The following PPFIA2 variants were observed in gnomAD, a reference collection of about 807,000 sequenced individuals.
PPFIA2 encodes the protein PPFI scaffold protein A2.
PPFIA2 carries 46 observed loss-of-function variants against 175.5 expected under a neutral mutation model. The observed-to-expected ratio is 0.26, with a 90% confidence interval of 0.21 to 0.34. PPFIA2 has a LOEUF of 0.34. Ranked by LOEUF, PPFIA2 falls within the 10% of genes least tolerant of loss-of-function variation. The probability of loss-of-function intolerance (pLI) is 1.00; values close to 1 mark genes in which losing one functional copy is unlikely to be tolerated. For missense variants in PPFIA2, 1,179 were observed against 1,506.1 expected (o/e 0.78, Z 3.60); for synonymous variants, 568 against 511.4 (o/e 1.11, Z -1.49).
chr12:81,735,089 C>A (rs938636476), intron 3 of PPFIA2, among the ~76,000 whole-genome samples: 2 of 151,710 alleles, frequency 1.3e-5, no homozygotes, highest in African/African-American at 4.8e-5. Flanking sequence ...ATGAATAATG[C>A]TGCTATGAAC....
intron 9 of PPFIA2, among the ~76,000 whole-genome samples, chr12:81,382,191 A>C (rs2037874115): frequency 6.6e-6 from 1 of 152,142 alleles, no homozygotes; most frequent in South Asian, 2.1e-4. Flanking sequence ...GAGAAAAGAA[A>C]ATGTAACAAA....
chr12:81,732,513 T>TAAAA (rs60761301), intron 3 of PPFIA2, among the ~76,000 whole-genome samples: 1 of 133,990 alleles, frequency 7.5e-6, no homozygotes, highest in Non-Finnish European at 1.6e-5. Context: ...TGTTTTTTTT[T>TAAAA]AAAAAAAAAA....
intron 28 of PPFIA2, among the ~76,000 whole-genome samples, chr12:81,269,336 A>G (rs2038380420): frequency 6.6e-6 from 1 of 152,218 alleles, no homozygotes; most frequent in South Asian, 2.1e-4. Flanking sequence ...TATTAAAGTA[A>G]AAGTAAGTTT....
chr12:81,517,722 G>A (rs1649256602), intron 4 of PPFIA2, among the ~76,000 whole-genome samples: 3 of 152,238 alleles, frequency 2.0e-5, no homozygotes, highest in South Asian at 2.1e-4. Flanking sequence ...TGAGCACCAA[G>A]CCACTATACT....
intron 22 of PPFIA2, among the ~76,000 whole-genome samples, chr12:81,303,307 T>G (rs936320865): frequency 7.2e-5 from 11 of 152,192 alleles, no homozygotes; most frequent in Admixed American, 7.2e-4. Flanking sequence ...ATCAAATATT[T>G]GACCATCTTT....
chr12:81,457,617 C>T, intron 5 of PPFIA2, 148 bp downstream of exon 5: 1 of 479,004 alleles, frequency 2.1e-6, no homozygotes, highest in Non-Finnish European at 3.6e-6. Flanking sequence ...TATAGTATAT[C>T]CTCCTTTACT....
chr12:81,596,821 A>G (rs2059299201), intron 4 of PPFIA2, among the ~76,000 whole-genome samples: 1 of 152,162 alleles, frequency 6.6e-6, no homozygotes, highest in African/African-American at 2.4e-5. Context: ...GGAAGAGAAT[A>G]TATTTTGTAA....
intron 4 of PPFIA2, among the ~76,000 whole-genome samples, chr12:81,462,823 T>C (rs2054890580): frequency 6.6e-6 from 1 of 151,780 alleles, no homozygotes; most frequent in Non-Finnish European, 1.5e-5. Flanking sequence ...CATATGCACC[T>C]GAGAGAAAAT....
chr12:81,287,473 T>C (rs1322017331), intron 24 of PPFIA2, among the ~76,000 whole-genome samples: 1 of 151,928 alleles, frequency 6.6e-6, no homozygotes, highest in Non-Finnish European at 1.5e-5. Context: ...TTCTGAAGTA[T>C]GACTGGCAAA....
At chr12:81,706,655 C>A (rs2077186017) in intron 3 of PPFIA2, among the ~76,000 whole-genome samples, 1 of 152,044 alleles carries the variant, frequency 6.6e-6, no homozygotes, top group African/African-American at 2.4e-5. Flanking sequence ...GGGGGTGCCT[C>A]CCAGTTAGGC....
chr12:81,594,623 A>G (rs1018459468), intron 4 of PPFIA2, among the ~76,000 whole-genome samples: 61 of 152,114 alleles, frequency 4.0e-4, no homozygotes, highest in Non-Finnish European at 5.6e-4. Context: ...GCCTCAAAAG[A>G]ATGTTTCGTA....
intron 4 of PPFIA2, among the ~76,000 whole-genome samples, chr12:81,583,997 T>C (rs2074810283): frequency 1.3e-5 from 2 of 151,910 alleles, no homozygotes; most frequent in African/African-American, 4.8e-5. Flanking sequence ...AAATTCTTTC[T>C]CAATTGACAC....
At chr12:81,660,463 T>C (rs2068618900) in intron 4 of PPFIA2, among the ~76,000 whole-genome samples, 1 of 151,904 alleles carries the variant, frequency 6.6e-6, no homozygotes, top group Admixed American at 6.6e-5. Context: ...GAAGATGAAA[T>C]GAATGAAATG....
chr12:81,313,274 G>A (rs904483445), intron 22 of PPFIA2, among the ~76,000 whole-genome samples: 3 of 151,912 alleles, frequency 2.0e-5, no homozygotes, highest in Non-Finnish European at 4.4e-5. Context: ...CATAAAACAT[G>A]TTCAATATAA....
intron 8 of PPFIA2, among the ~76,000 whole-genome samples, chr12:81,391,891 T>C (rs1221718454): frequency 6.6e-6 from 1 of 151,818 alleles, no homozygotes; most frequent in Non-Finnish European, 1.5e-5. Context: ...GTAGCTAGAA[T>C]GGACTGGACT....
chr12:81,393,284 G>A (rs12309347), intron 8 of PPFIA2, among the ~76,000 whole-genome samples: 89 of 152,168 alleles, frequency 5.8e-4, no homozygotes, highest in African/African-American at 2.0e-3. Flanking sequence ...TGTATATTGA[G>A]TTTATTTTGT....
At chr12:81,622,351 T>A (rs2062152586) in intron 4 of PPFIA2, among the ~76,000 whole-genome samples, 1 of 152,186 alleles carries the variant, frequency 6.6e-6, no homozygotes, top group Non-Finnish European at 1.5e-5. Flanking sequence ...GAGTGCTGGA[T>A]GTCAGTAATA....
At chr12:81,267,701 G>A (rs12826838) in intron 29 of PPFIA2, among the ~76,000 whole-genome samples, 51,503 of 150,126 alleles carry the variant, frequency 0.34, 10,843 homozygotes, top group Non-Finnish European at 0.48. Context: ...ACATAACTTC[G>A]AAATCCCTTT....
At chr12:81,470,584 T>C (rs2056552760) in intron 4 of PPFIA2, among the ~76,000 whole-genome samples, 1 of 152,130 alleles carries the variant, frequency 6.6e-6, no homozygotes, top group African/African-American at 2.4e-5. Flanking sequence ...CCCAAGAAAA[T>C]TGAAAACATA....
Sources: gnomAD v4.1 joint callset for allele counts (sites outside exome capture counted in the v4.1 genomes callset) on GRCh38, gnomAD v4.1.1 for gene constraint, MANE v1.5 for transcripts, NCBI Gene and HGNC (gene_info 2026-07-23, HGNC 2026-07-21) for gene names.